The following DEF8 variants were observed in gnomAD, a reference collection of about 807,000 sequenced individuals.
DEF8 encodes differentially expressed in FDCP 8 homolog.
In DEF8, 38 loss-of-function variants were observed where a neutral mutation model predicts 59.1. The ratio of observed to expected loss-of-function variants is 0.64; its 90% CI spans 0.50 to 0.84. The LOEUF (loss-of-function observed/expected upper bound fraction) is 0.84, where lower values mean the gene tolerates loss of function less well. Ranked by LOEUF, DEF8 falls within the 40% of genes least tolerant of loss-of-function variation. DEF8 has a pLI of 0.00. For synonymous variants in DEF8, 265 were observed against 250.1 expected (o/e 1.06, Z -0.56); for missense variants, 557 against 615.2 (o/e 0.91, Z 1.00).
At chr16:89,960,148 C>A (rs1183878501) in intron 6 of DEF8, among the ~76,000 whole-genome samples, 1 of 152,110 alleles carries the variant, frequency 6.6e-6, no homozygotes, top group East Asian at 1.9e-4. Context: ...TGGGGCTTTT[C>A]TTTAAGTGCA....
At chr16:89,956,306 A>G (rs1431642935) in intron 4 of DEF8, among the ~76,000 whole-genome samples, 1 of 151,506 alleles carries the variant, frequency 6.6e-6, no homozygotes, top group Admixed American at 6.6e-5. Context: ...AATACAAAAA[A>G]AAATTTAGCC....
intron 2 of DEF8, chr16:89,949,753 G>A (rs1277119300): frequency 9.7e-7 from 1 of 1,029,760 alleles, no homozygotes; most frequent in Non-Finnish European, 1.4e-6. Flanking sequence ...TCCCCGATGA[G>A]AGCAGTGGGC....
chr16:89,952,397 G>A (rs1197464735), intron 2 of DEF8, among the ~76,000 whole-genome samples: 4 of 152,216 alleles, frequency 2.6e-5, no homozygotes, highest in Admixed American at 2.6e-4. Context: ...TGGATGGAAG[G>A]GCTAAGCACT....
chr16:89,957,613 G>A lies in DEF8; in HGVS notation c.325G>A (p.Ala109Thr). 1 of 1,579,580 alleles carries A rather than the reference G, an allele frequency of 6.3e-7. No individual in the cohort carries two copies. Among genetic ancestry groups the A allele is most frequent in the Non-Finnish European group, 8.6e-7 (1 of 1,163,168 alleles). ...LPEQSEKQKD[A>T]VVRLIHLRLK... is the part of the protein sequence containing the mutation. ...CGAGCAGTCGGAGAAGCAGAAGGATGCCGTGGTGCGACTCATCCACCTCCG... is the reference window on the plus strand; with the variant it reads ...CGAGCAGTCGGAGAAGCAGAAGGATACCGTGGTGCGACTCATCCACCTCCG... The change falls in exon 5 of 13, where the codon GCC becomes ACC. Residue 109 changes from alanine to threonine, a missense_variant. Physicochemically the swap from Ala to Thr is moderately conservative, Grantham distance 58 (BLOSUM62 0). Coordinates refer to ENST00000563594, the MANE Select transcript of DEF8 (RefSeq NM_001242818.2).
chr16:89,963,094 T>C (rs1340439079), intron 9 of DEF8, among the ~76,000 whole-genome samples: 1 of 152,232 alleles, frequency 6.6e-6, no homozygotes, highest in Non-Finnish European at 1.5e-5. Context: ...GGCTTGGTCC[T>C]GAGGCTGCTG....
chr16:89,963,417 G>A lies in DEF8; in HGVS notation c.976G>A (p.Ala326Thr), dbSNP rs2034282968. ...MKPYFITCRE[A>T]MEARLLLQLQ... Reference sequence around the variant, plus strand: ...GCCGTACTTCATCACCTGCAGGGAGGCCATGGAGGCTCGTCTGCTGCTGCA... The same window carrying A: ...GCCGTACTTCATCACCTGCAGGGAGACCATGGAGGCTCGTCTGCTGCTGCA... The change falls in exon 10 of 13, where the codon GCC becomes ACC. Residue 326 changes from alanine (A) to threonine (T), a missense_variant. By Grantham distance (58) the Ala-to-Thr change is moderately conservative. Transcript: ENST00000563594. The A allele has an allele frequency of 6.2e-7, 1 of 1,613,796 alleles. No individual in the cohort carries two copies. Among genetic ancestry groups the A allele is most frequent in the Non-Finnish European group, 8.5e-7 (1 of 1,179,904 alleles).
chr16:89,957,360 C>A, intron 4 of DEF8, 151 bp from the exon 5 acceptor site: 1 of 832,196 alleles, frequency 1.2e-6, no homozygotes, highest in Non-Finnish European at 1.8e-6. Flanking sequence ...CTTTCCTGCC[C>A]TGGAGCAAGT....
chr16:89,953,317 A>C (rs1597465503), intron 2 of DEF8, among the ~76,000 whole-genome samples: 1 of 152,176 alleles, frequency 6.6e-6, no homozygotes, highest in African/African-American at 2.4e-5. Context: ...TGGCCCAGGA[A>C]GTTAAGTGGG....
chr16:89,954,384 C>T lies in DEF8; in HGVS notation c.124+8C>T. On this transcript the variant is annotated splice_region_variant and intron_variant, in intron 3 of 12. Transcript: ENST00000563594. This position sits in a 1 kb window ranked among gnomAD's most constrained non-coding sequence, Gnocchi z 4.3. ...CGGACGTCACTCCTGAAGGTGGGTGCTGGTGGGAGTCAGGGTGGGAGCTGG... is the reference window on the plus strand; with the variant it reads ...CGGACGTCACTCCTGAAGGTGGGTGTTGGTGGGAGTCAGGGTGGGAGCTGG... 6.2e-7 allele frequency: 1 copy of T among 1,612,630 alleles called. No homozygotes were observed. Among genetic ancestry groups the T allele is most frequent in the Non-Finnish European group, 8.5e-7 (1 of 1,179,290 alleles).
chr16:89,959,297 G>T (rs1266196162), intron 6 of DEF8, 142 bp downstream of exon 6: 2 of 1,502,148 alleles, frequency 1.3e-6, no homozygotes, highest in East Asian at 2.5e-5. Flanking sequence ...AACTAAATAT[G>T]CATTTCCTCG....
At position 89,954,120 on chromosome 16, in the gene DEF8, C is replaced by T. The variant is rs1046424522; in HGVS notation, c.-10-123C>T. On this transcript the variant is annotated intron_variant, in intron 2 of 12. Transcript: ENST00000563594. The surrounding 1 kb of genome is among the most constrained non-coding windows in gnomAD (Gnocchi z 4.3). ...GATCAAGGCTGTGGTGTGAGGACTA[C>T]CCACTTTAGGGAAGTGAAAGAGGCC... is the stretch of plus-strand genomic sequence containing the variant. 183 of 1,061,760 alleles carry T rather than the reference C, an allele frequency of 1.7e-4. No homozygotes were observed. The highest frequency in any genetic ancestry group is 4.7e-4 in the Admixed American group (20 of 42,454). 65.8% of individuals were successfully genotyped at this position (1,061,760 alleles called of 1,614,324 possible). A position where few individuals can be genotyped will look rare whatever the true frequency, so the allele number is the denominator to read the frequency against.
At chr16:89,951,310 G>A (rs1170724672) in intron 2 of DEF8, among the ~76,000 whole-genome samples, 2 of 151,792 alleles carry the variant, frequency 1.3e-5, no homozygotes, top group Non-Finnish European at 2.9e-5. Context: ...AAGCTGGAGT[G>A]CAGTGGCTCA....
At chr16:89,955,686 C>T (rs550951949) in intron 4 of DEF8, among the ~76,000 whole-genome samples, 7 of 152,166 alleles carry the variant, frequency 4.6e-5, no homozygotes, top group South Asian at 2.1e-4. Context: ...ACTGACCAGT[C>T]GGTATTACAG....
Position 89,954,429 on chromosome 16 carries a change from C to G in DEF8, c.124+53C>G. 2 of 1,580,218 alleles carry G rather than the reference C, an allele frequency of 1.3e-6. No individual in the cohort carries two copies. The highest frequency in any genetic ancestry group is 1.7e-6 in the Non-Finnish European group (2 of 1,161,396). On this transcript the variant is annotated intron_variant, in intron 3 of 12. Transcript: ENST00000563594. This position sits in a 1 kb window ranked among gnomAD's most constrained non-coding sequence, Gnocchi z 4.3. ...AGCTGGGCAGGTCTCTGACTGCTTA[C>G]GTGGACCCCTCCTTTCTTCCTGCCG...
rs765640955 is a variant in DEF8 at position 89,964,027 on chromosome 16, C to T, written c.1003-143C>T. ...TTCCCCTGTCGGCTTCCTGGGGCTCCTGGATTCTACTCCTGGGGCCCAGAC... is the reference window on the plus strand; with the variant it reads ...TTCCCCTGTCGGCTTCCTGGGGCTCTTGGATTCTACTCCTGGGGCCCAGAC... On this transcript the variant is annotated intron_variant, in intron 10 of 12. Coordinates refer to ENST00000563594, the MANE Select transcript of DEF8 (RefSeq NM_001242818.2). 15 of 1,154,748 alleles carry T rather than the reference C, an allele frequency of 1.3e-5. No homozygotes were observed. The South Asian group carries it at 1.7e-4, about 13-fold the overall frequency. 71.5% of individuals were successfully genotyped at this position (1,154,748 alleles called of 1,614,324 possible).
Position 89,960,932 on chromosome 16 carries a change from G to A in DEF8, c.516G>A (p.Gly172=), listed in dbSNP as rs1392655448. The change falls in exon 7 of 13, where the codon GGG becomes GGA. Residue 172 remains glycine, a splice_region_variant and synonymous_variant. Transcript: ENST00000563594. ...GAAGTGTGTGTCCCTCCACCCTAGGGTGTTATTACCGCTGTCACAGTAAGT... is the reference window on the plus strand; with the variant it reads ...GAAGTGTGTGTCCCTCCACCCTAGGATGTTATTACCGCTGTCACAGTAAGT... ...GLIQTWYTCT[G]CYYRCHSKCL... is the part of the protein sequence containing the mutation. 6.2e-7 allele frequency: 1 copy of A among 1,613,424 alleles called. No homozygotes were observed. The highest frequency in any genetic ancestry group is 8.5e-7 in the Non-Finnish European group (1 of 1,179,860).
chr16:89,967,810 T>C lies in DEF8; in HGVS notation c.*1847T>C, dbSNP rs551742177. The C allele has an allele frequency of 5.0e-6, 1 of 198,672 alleles. No individual in the cohort carries two copies. Among genetic ancestry groups the C allele is most frequent in the East Asian group, 1.2e-4 (1 of 8,630 alleles). The allele number at this position is 198,672 out of a possible 1,614,324, so 12.3% of individuals were successfully genotyped here. On this transcript the variant is annotated 3_prime_UTR_variant, in exon 13 of 13. Coordinates refer to ENST00000563594, the MANE Select transcript of DEF8 (RefSeq NM_001242818.2). Reference sequence around the variant, plus strand: ...GTGCTGGTATTTGCTGGACAAAGGGTTGGGCCCCTTTTATTTTTACCTGCC... The same window carrying C: ...GTGCTGGTATTTGCTGGACAAAGGGCTGGGCCCCTTTTATTTTTACCTGCC...
chr16:89,958,609 ATCCC>A, intron 5 of DEF8: 4 of 197,162 alleles, frequency 2.0e-5, no homozygotes, highest in South Asian at 8.7e-5. Context: ...TCACGTAAAA[ATCCC>A]ATAGGTGGTC....
intron 1 of DEF8, 38 bp downstream of exon 1, chr16:89,948,852 G>T (rs1313317118): frequency 1.3e-6 from 1 of 770,648 alleles, no homozygotes; most frequent in South Asian, 5.5e-5. Context: ...GGGCCGGCGG[G>T]GACGGGGCCG....
Sources: gnomAD v4.1 joint callset for allele counts (sites outside exome capture counted in the v4.1 genomes callset) on GRCh38, gnomAD v4.1.1 for gene constraint, Gnocchi (gnomAD v3.1) non-coding constraint, MANE v1.5 for transcripts, NCBI Gene and HGNC (gene_info 2026-07-23, HGNC 2026-07-21) for gene names.